CCDC39: variants seen among roughly 807,000 people sequenced by gnomAD.
CCDC39 encodes coiled-coil domain 39 molecular ruler complex subunit, also known as coiled-coil domain-containing protein 39.
In CCDC39, 113 loss-of-function variants were observed where a neutral mutation model predicts 121.0. That is an observed-to-expected ratio of 0.93 (90% CI 0.80 to 1.09). The LOEUF is 1.09. Ranked by LOEUF, CCDC39 falls within the 50% of genes least tolerant of loss-of-function variation. The probability of loss-of-function intolerance (pLI) is 0.00; values close to 1 mark genes in which losing one functional copy is unlikely to be tolerated. For synonymous variants in CCDC39, 349 were observed against 352.2 expected (o/e 0.99, Z 0.10); for missense variants, 1,063 against 1,074.7 (o/e 0.99, Z 0.15).
At position 180,617,504 on chromosome 3, in the gene CCDC39, C is replaced by A. The variant is rs1239784484; in HGVS notation, c.2266-538G>T. Reference sequence around the variant, plus strand: ...CCATTCATGTTACTGACCCTGAAGACCTTCAAGTGGGACAAGATATGGAGG... The same window carrying A: ...CCATTCATGTTACTGACCCTGAAGAACTTCAAGTGGGACAAGATATGGAGG... On this transcript the variant is annotated intron_variant, in intron 16 of 19. Transcript: ENST00000476379. 3.4e-5 allele frequency: 23 copies of A among 668,552 alleles called. 1 individual carries two copies. In the South Asian group the frequency reaches 3.7e-4, roughly 11 times the overall value. 41.4% of individuals were successfully genotyped at this position (668,552 alleles called of 1,614,324 possible).
chr3:180,644,256 T>C lies in CCDC39; in HGVS notation c.1529A>G (p.Asn510Ser). ...TGCCTTCTTGATAAAATAAAGATCA[T>C]TCTGCAAAAAAGAAAAAAGGTATAT... The part of the protein sequence containing the change: ...LLETQIKKLH[N>S]DLYFIKKAHS... Residue 510 changes from asparagine to serine, a missense_variant and splice_region_variant, in exon 12 of 20, where the codon AAT becomes AGT. Transcript: ENST00000476379. The C allele has an allele frequency of 6.6e-7, 1 of 1,510,520 alleles. No individual in the cohort carries two copies. The highest frequency in any genetic ancestry group is 1.4e-5 in the African/African-American group (1 of 71,220). The allele number at this position is 1,510,520 out of a possible 1,614,324, so 93.6% of individuals were successfully genotyped here. A position where few individuals can be genotyped will look rare whatever the true frequency, so the allele number is the denominator to read the frequency against.
chr3:180,623,094 TTATTA>T (rs1717469766), intron 14 of CCDC39, among the ~76,000 whole-genome samples: 1 of 144,610 alleles, frequency 6.9e-6, no homozygotes, highest in Non-Finnish European at 1.5e-5. Flanking sequence ...ATTATTATTA[TTATTA>T]TTATTATTAT....
chr3:180,647,451 T>C (rs1718099697), intron 10 of CCDC39, among the ~76,000 whole-genome samples: 1 of 152,072 alleles, frequency 6.6e-6, no homozygotes, highest in African/African-American at 2.4e-5. Context: ...AGGTACATGA[T>C]AGACACAGAA....
intron 7 of CCDC39, among the ~76,000 whole-genome samples, chr3:180,653,080 T>C (rs544782945): frequency 2.0e-5 from 3 of 152,280 alleles, no homozygotes; most frequent in African/African-American, 7.2e-5. Flanking sequence ...TTCAAAGCGA[T>C]CTACAGATTT....
At chr3:180,671,117 C>A (rs2108434462) in intron 1 of CCDC39, among the ~76,000 whole-genome samples, 1 of 149,540 alleles carries the variant, frequency 6.7e-6, no homozygotes, top group South Asian at 2.1e-4. Context: ...AGGGCTGAGG[C>A]ACAAGAATGC....
intron 1 of CCDC39, among the ~76,000 whole-genome samples, chr3:180,678,006 G>C (rs1406391376): frequency 6.6e-6 from 1 of 151,906 alleles, no homozygotes; most frequent in Non-Finnish European, 1.5e-5. Context: ...TACTTAATAT[G>C]TACATAAAAA....
At chr3:180,628,275 A>G (rs572278634) in intron 14 of CCDC39, among the ~76,000 whole-genome samples, 2 of 152,180 alleles carry the variant, frequency 1.3e-5, no homozygotes, top group African/African-American at 2.4e-5. Flanking sequence ...CAGTGGTGCA[A>G]TCTTGGCTCA....
intron 10 of CCDC39, 25 bp from the exon 11 acceptor site, chr3:180,647,268 G>A: frequency 6.7e-7 from 1 of 1,499,816 alleles, no homozygotes; most frequent in Non-Finnish European, 8.9e-7. Context: ...AAAAAAAAAG[G>A]TATTACAAAG....
intron 12 of CCDC39, 124 bp downstream of exon 12, chr3:180,643,996 T>G: frequency 2.9e-6 from 2 of 685,502 alleles, no homozygotes; most frequent in Non-Finnish European, 4.5e-6. Flanking sequence ...TAACACTGTT[T>G]ATATTGGGTA....
chr3:180,619,898 C>T lies in CCDC39; in HGVS notation c.2071G>A (p.Glu691Lys), dbSNP rs1717386710. 1 of 1,609,988 alleles carries T rather than the reference C, an allele frequency of 6.2e-7. No individual in the cohort carries two copies. The highest frequency in any genetic ancestry group is 1.3e-5 in the African/African-American group (1 of 74,546). The change falls in exon 15 of 20, where the codon GAA becomes AAA. Residue 691 changes from glutamate to lysine, a missense_variant. Physicochemically the swap from Glu to Lys is moderately conservative, Grantham distance 56 (BLOSUM62 1). Transcript: ENST00000476379. ...AGGGTATTTTCTAGAGCGTAGATTT[C>T]TTTTTCAGCTTTGTTGATCTTGGCA... is the stretch of plus-strand genomic sequence containing the variant. ...LDAKINKAEK[E>K]IYALENTLQV...
chr3:180,614,657 G>A lies in CCDC39; in HGVS notation c.*264C>T, dbSNP rs946002768. On this transcript the variant is annotated 3_prime_UTR_variant, in exon 20 of 20. Coordinates refer to ENST00000476379, the MANE Select transcript of CCDC39 (RefSeq NM_181426.2). The stretch of plus-strand genomic sequence containing the variant: ...GAAGCAAACTATTTTCTAACACTAC[G>A]AACATCAGAATTACAGTGAAATACA... 4 of 333,264 alleles carry A rather than the reference G, an allele frequency of 1.2e-5. No individual in the cohort carries two copies. Among genetic ancestry groups the A allele is most frequent in the Non-Finnish European group, 2.2e-5 (4 of 184,254 alleles). 20.6% of individuals were successfully genotyped at this position (333,264 alleles called of 1,614,324 possible).
Position 180,652,183 on chromosome 3 carries a change from G to A in CCDC39, c.1014C>T (p.Asp338=), listed in dbSNP as rs1711502758. The A allele has an allele frequency of 1.3e-6, 2 of 1,521,030 alleles. No individual in the cohort carries two copies. The highest frequency in any genetic ancestry group is 1.8e-6 in the Non-Finnish European group (2 of 1,131,312). 94.2% of individuals were successfully genotyped at this position (1,521,030 alleles called of 1,614,324 possible). A position where few individuals can be genotyped will look rare whatever the true frequency, so the allele number is the denominator to read the frequency against. ...LRKNISKIKK[D]IHEETARLQK... ...CTTACCTTGCTGTTTCTTCATGAAT[G>A]TCCTTCTTTATCTTGGAAATATTTT... Residue 338 remains aspartate, a synonymous_variant, in exon 8 of 20, where the codon GAC becomes GAT. Transcript: ENST00000476379.
chr3:180,664,074 T>C lies in CCDC39; in HGVS notation c.91-88A>G, dbSNP rs1437345373. On this transcript the variant is annotated intron_variant, in intron 1 of 19. Coordinates refer to ENST00000476379, the MANE Select transcript of CCDC39 (RefSeq NM_181426.2). Reference sequence around the variant, plus strand: ...AAAATCAAAGAAAATTAAATTTTCATTTACATTGTCTTAGTCAATTTGGAC... The same window carrying C: ...AAAATCAAAGAAAATTAAATTTTCACTTACATTGTCTTAGTCAATTTGGAC... 5 of 1,226,468 alleles carry C rather than the reference T, an allele frequency of 4.1e-6. No homozygotes were observed. In the Admixed American group the frequency reaches 1.1e-4, roughly 27 times the overall value. 76.0% of individuals were successfully genotyped at this position (1,226,468 alleles called of 1,614,324 possible). A position where few individuals can be genotyped will look rare whatever the true frequency, so the allele number is the denominator to read the frequency against.
At chr3:180,625,623 T>C (rs1486487944) in intron 14 of CCDC39, among the ~76,000 whole-genome samples, 1 of 152,184 alleles carries the variant, frequency 6.6e-6, no homozygotes, top group Non-Finnish European at 1.5e-5. Context: ...TTGCTTCTGC[T>C]AATTTTTTGA....
chr3:180,663,060 AT>A (rs1165938067), intron 2 of CCDC39, among the ~76,000 whole-genome samples: 1 of 152,178 alleles, frequency 6.6e-6, no homozygotes, highest in Non-Finnish European at 1.5e-5. Context: ...TTTTTATTAT[AT>A]TTATGTTAAC....
At chr3:180,634,529 A>G (rs939657331) in intron 13 of CCDC39, among the ~76,000 whole-genome samples, 18 of 152,054 alleles carry the variant, frequency 1.2e-4, no homozygotes, top group African/African-American at 3.9e-4. Flanking sequence ...CTCAGCCACA[A>G]CCACTACTAA....
intron 6 of CCDC39, among the ~76,000 whole-genome samples, chr3:180,658,817 A>T (rs1243892587): frequency 6.6e-6 from 1 of 152,130 alleles, no homozygotes; most frequent in Non-Finnish European, 1.5e-5. Context: ...ATAGAATTTA[A>T]CCCATCTTCT....
intron 1 of CCDC39, among the ~76,000 whole-genome samples, chr3:180,672,465 A>G (rs1488017132): frequency 6.6e-6 from 1 of 152,102 alleles, no homozygotes; most frequent in Non-Finnish European, 1.5e-5. Context: ...ATGGTGGCAC[A>G]TGCCTGTAAT....
chr3:180,655,424 AC>A (rs1385575786), intron 6 of CCDC39, among the ~76,000 whole-genome samples: 1 of 152,144 alleles, frequency 6.6e-6, no homozygotes, highest in Non-Finnish European at 1.5e-5. Flanking sequence ...AATAGAATAC[AC>A]AAAACACTGT....
Sources: gnomAD v4.1 joint callset for allele counts (sites outside exome capture counted in the v4.1 genomes callset) on GRCh38, gnomAD v4.1.1 for gene constraint, MANE v1.5 for transcripts, NCBI Gene and HGNC (gene_info 2026-07-23, HGNC 2026-07-21) for gene names.